The following XKR6 variants were observed in gnomAD, a reference collection of about 807,000 sequenced individuals.
XKR6 encodes XK related 6, also known as XK-related protein 6.
A neutral mutation model predicts 56.7 loss-of-function variants in XKR6; 22 were observed. The observed-to-expected ratio is 0.39, with a 90% confidence interval of 0.28 to 0.55. The LOEUF is 0.55. Ranked by LOEUF, XKR6 falls within the 20% of genes least tolerant of loss-of-function variation. The probability of loss-of-function intolerance (pLI) is 0.66; values close to 1 mark genes in which losing one functional copy is unlikely to be tolerated. For missense variants in XKR6, 852 were observed against 889.0 expected, an observed-to-expected ratio of 0.96 and a Z score of 0.53; for synonymous variants, 524 against 387.8, an observed-to-expected ratio of 1.35 and a Z score of -4.13.
chr8:11,137,674 C>G (rs76036619), intron 1 of XKR6: 166 of 456,140 alleles, frequency 3.6e-4, no homozygotes, highest in African/African-American at 3.0e-3. Flanking sequence ...CAATGTGGAG[C>G]ACAAGCAGCG....
chr8:11,102,917 T>G (rs1308824761), intron 1 of XKR6, among the ~76,000 whole-genome samples: 3 of 152,152 alleles, frequency 2.0e-5, no homozygotes, highest in Admixed American at 1.3e-4. Context: ...AAGGTGGTCA[T>G]CAACCTCATG....
intron 1 of XKR6, among the ~76,000 whole-genome samples, chr8:11,103,082 G>C (rs1486080346): frequency 6.6e-6 from 1 of 152,154 alleles, no homozygotes; most frequent in African/African-American, 2.4e-5. Flanking sequence ...GTGTAAGATG[G>C]AGTTTTAGAT....
chr8:11,109,312 A>C (rs1172670249), intron 1 of XKR6: 1 of 152,210 alleles, frequency 6.6e-6, no homozygotes, highest in Non-Finnish European at 1.5e-5. Flanking sequence ...AAAGTTATCC[A>C]ACAGGGACAG....
intron 1 of XKR6, among the ~76,000 whole-genome samples, chr8:11,046,061 T>C (rs556879874): frequency 7.9e-5 from 12 of 152,128 alleles, no homozygotes; most frequent in East Asian, 5.8e-4. Flanking sequence ...AGAATTACCA[T>C]ATAATCCAAT....
chr8:11,183,737 T>C (rs988250003), intron 1 of XKR6, among the ~76,000 whole-genome samples: 5 of 152,182 alleles, frequency 3.3e-5, no homozygotes, highest in Admixed American at 2.6e-4. Flanking sequence ...GGTCCTAAGA[T>C]CTGTGTTGAT....
chr8:11,145,067 A>T (rs1800914509), intron 1 of XKR6, among the ~76,000 whole-genome samples: 1 of 151,922 alleles, frequency 6.6e-6, no homozygotes, highest in Non-Finnish European at 1.5e-5. Flanking sequence ...GAAGGAAACA[A>T]ACTACCTGAG....
intron 1 of XKR6, among the ~76,000 whole-genome samples, chr8:11,170,981 C>A (rs1480745277): frequency 6.6e-6 from 1 of 152,232 alleles, no homozygotes; most frequent in Non-Finnish European, 1.5e-5. Context: ...ACTACTCCAA[C>A]ATCAGAATTT....
chr8:10,935,753 T>C (rs1438352249), intron 1 of XKR6, among the ~76,000 whole-genome samples: 2 of 143,534 alleles, frequency 1.4e-5, no homozygotes, highest in African/African-American at 5.2e-5. Flanking sequence ...GATTGCACTG[T>C]GGTCTGAGAG....
intron 1 of XKR6, among the ~76,000 whole-genome samples, chr8:10,981,303 C>A (rs1473065027): frequency 6.6e-6 from 1 of 152,188 alleles, no homozygotes; most frequent in East Asian, 1.9e-4. Flanking sequence ...AGGATTAACT[C>A]TAGCAATAGT....
chr8:11,056,864 C>T (rs144214351), intron 1 of XKR6, among the ~76,000 whole-genome samples: 1 of 152,196 alleles, frequency 6.6e-6, no homozygotes, highest in Non-Finnish European at 1.5e-5. Flanking sequence ...GAGGATGCAG[C>T]TCTCTTGGCC....
chr8:11,040,747 C>G (rs1189842660), intron 1 of XKR6, among the ~76,000 whole-genome samples: 1 of 152,194 alleles, frequency 6.6e-6, no homozygotes, highest in Non-Finnish European at 1.5e-5. Context: ...GATCGCCCCC[C>G]AAACCCCCAC....
intron 1 of XKR6, among the ~76,000 whole-genome samples, chr8:10,948,998 C>G (rs558987140): frequency 1.3e-5 from 2 of 152,318 alleles, no homozygotes; most frequent in East Asian, 3.9e-4. Context: ...TCCTCAAAGT[C>G]AGACCCAGGG....
intron 2 of XKR6, among the ~76,000 whole-genome samples, chr8:10,900,514 T>A (rs754281474): frequency 2.6e-5 from 4 of 152,232 alleles, no homozygotes; most frequent in Non-Finnish European, 4.4e-5. Context: ...ACTGTTACAA[T>A]GGGCATGTGT....
In XKR6 at chr8:11,009,664, A is replaced by G. The variant is rs1261248542; in HGVS notation, c.765-84834T>C. Among the ~76,000 whole-genome samples, 3 of 152,202 alleles carry G rather than the reference A, an allele frequency of 2.0e-5. No individual in the cohort carries two copies. In the South Asian group the frequency reaches 6.2e-4, roughly 32 times the overall value. On this transcript the variant is annotated intron_variant, in intron 1 of 2. Coordinates refer to ENST00000416569, the MANE Select transcript of XKR6 (RefSeq NM_173683.4). Reference sequence around the variant, plus strand: ...ACTGTCAAGCTTATCAAAAACAAGAAAAGTCTGAGAAACTACCAGAATCTA... The same window carrying G: ...ACTGTCAAGCTTATCAAAAACAAGAGAAGTCTGAGAAACTACCAGAATCTA...
At chr8:11,041,225 C>G (rs965198351) in intron 1 of XKR6, among the ~76,000 whole-genome samples, 1 of 152,062 alleles carries the variant, frequency 6.6e-6, no homozygotes, top group African/African-American at 2.4e-5. Context: ...TGTAACAGAG[C>G]ATTAAGGGAA....
intron 2 of XKR6, among the ~76,000 whole-genome samples, chr8:10,907,828 C>T (rs950416068): frequency 4.6e-5 from 7 of 152,166 alleles, no homozygotes; most frequent in Non-Finnish European, 8.8e-5. Flanking sequence ...ACCCACCCCG[C>T]GGAGGCCCTG....
At chr8:11,142,047 G>A (rs60530116) in intron 1 of XKR6, among the ~76,000 whole-genome samples, 4,747 of 150,286 alleles carry the variant, frequency 0.032, 241 homozygotes, top group African/African-American at 0.11. Context: ...AGGAAAAAAG[G>A]AAACACCAAG....
chr8:11,096,956 T>C (rs7827415), intron 1 of XKR6, among the ~76,000 whole-genome samples: 1,619 of 152,352 alleles, frequency 0.011, 20 homozygotes, highest in African/African-American at 0.036. Flanking sequence ...CACTTGCATA[T>C]GATTTGCACA....
intron 2 of XKR6, among the ~76,000 whole-genome samples, chr8:10,914,650 G>A (rs894012356): frequency 6.6e-6 from 1 of 152,210 alleles, no homozygotes; most frequent in Non-Finnish European, 1.5e-5. Context: ...AGATTGGAGA[G>A]ATCTGAGCAG....
Sources: allele counts gnomAD v4.1 joint callset (sites outside exome capture counted in the v4.1 genomes callset), GRCh38; gene constraint gnomAD v4.1.1; transcripts MANE v1.5; gene names NCBI Gene and HGNC (gene_info 2026-07-23, HGNC 2026-07-21).